The following ROBO2 variants were observed in gnomAD, a reference collection of about 807,000 sequenced individuals.
The protein encoded by ROBO2 is roundabout homolog 2.
A neutral mutation model predicts 160.8 loss-of-function variants in ROBO2; 53 were observed. That is an observed-to-expected ratio of 0.33 (90% confidence interval 0.26 to 0.41). The LOEUF (loss-of-function observed/expected upper bound fraction) is 0.41, where lower values mean the gene tolerates loss of function less well. ROBO2 is among the 10% of genes least tolerant of loss of function. The pLI is 1.00. For missense variants in ROBO2, 1,577 were observed against 1,722.4 expected (o/e 0.92, Z 1.49); for synonymous variants, 664 against 611.7 (o/e 1.09, Z -1.26).
intron 2 of ROBO2, among the ~76,000 whole-genome samples, chr3:76,188,333 G>C (rs929870149): frequency 1.3e-5 from 2 of 152,148 alleles, no homozygotes; most frequent in Middle Eastern, 3.4e-3. Context: ...CACAGAGACA[G>C]ACACATACAG....
intron 1 of ROBO2, among the ~76,000 whole-genome samples, chr3:75,921,073 A>T (rs967745734): frequency 1.3e-5 from 2 of 152,152 alleles, no homozygotes; most frequent in Non-Finnish European, 2.9e-5. Flanking sequence ...TCCTGTGATC[A>T]TGATGCTAGC....
At chr3:77,578,118 A>C (rs1314673928) in intron 15 of ROBO2, among the ~76,000 whole-genome samples, 1 of 152,126 alleles carries the variant, frequency 6.6e-6, no homozygotes, top group Non-Finnish European at 1.5e-5. Flanking sequence ...AAAAAAAGCC[A>C]CTGAACATAT....
Position 76,994,144 on chromosome 3 carries a change from A to G in ROBO2, c.110-103870A>G, listed in dbSNP as rs1436019230. Among the ~76,000 whole-genome samples the G allele has an allele frequency of 2.0e-5, 3 of 151,886 alleles. No individual in the cohort carries two copies. The South Asian group carries it at 6.2e-4, about 32-fold the overall frequency. On this transcript the variant is annotated intron_variant, in intron 2 of 26. Coordinates refer to the ROBO2 transcript ENST00000487694. ...TAAATGAGTGCACAAGGCTATCTGC[A>G]TATATTGTTAAATGTTAGCTTTGAA...
chr3:76,003,516 T>G (rs2065943732), intron 2 of ROBO2, among the ~76,000 whole-genome samples: 1 of 152,196 alleles, frequency 6.6e-6, no homozygotes, highest in South Asian at 2.1e-4. Context: ...ATAAAAACAG[T>G]TTCCATATGT....
chr3:77,024,857 A>G (rs1257627273), intron 2 of ROBO2, among the ~76,000 whole-genome samples: 1 of 152,102 alleles, frequency 6.6e-6, no homozygotes, highest in Non-Finnish European at 1.5e-5. Flanking sequence ...TTGGAGGGGG[A>G]AAAGACACGT....
Position 77,640,743 on chromosome 3 carries a change from T to C in ROBO2, c.3935-3961T>C, listed in dbSNP as rs1208316062. Among the ~76,000 whole-genome samples the C allele has an allele frequency of 2.0e-5, 3 of 152,352 alleles. No homozygotes were observed. The East Asian group carries it at 5.8e-4, about 29-fold the overall frequency. On this transcript the variant is annotated intron_variant, in intron 24 of 25. Transcript: ENST00000461745. Reference sequence around the variant, plus strand: ...GAATAATAAATTTAATTTAAGTAAATGTATTTGATTACATACTTTTATTTT... The same window carrying C: ...GAATAATAAATTTAATTTAAGTAAACGTATTTGATTACATACTTTTATTTT...
At chr3:76,823,270 A>G (rs1162551147) in intron 2 of ROBO2, among the ~76,000 whole-genome samples, 3 of 152,128 alleles carry the variant, frequency 2.0e-5, no homozygotes, top group African/African-American at 7.2e-5. Context: ...GACCCACACA[A>G]TGAATCAACC....
At chr3:76,169,719 G>T (rs1490246678) in intron 2 of ROBO2, among the ~76,000 whole-genome samples, 1 of 152,030 alleles carries the variant, frequency 6.6e-6, no homozygotes, top group African/African-American at 2.4e-5. Context: ...TTTGACTAAA[G>T]CTAGTAATCT....
intron 6 of ROBO2, among the ~76,000 whole-genome samples, chr3:77,535,842 G>T (rs904221141): frequency 6.6e-6 from 1 of 151,992 alleles, no homozygotes; most frequent in Non-Finnish European, 1.5e-5. Context: ...CTTGCATGGC[G>T]AATCTCATAA....
chr3:76,021,006 A>ATT (rs2066559756), intron 2 of ROBO2, among the ~76,000 whole-genome samples: 1 of 151,786 alleles, frequency 6.6e-6, no homozygotes, highest in Non-Finnish European at 1.5e-5. Flanking sequence ...GCACTTTATC[A>ATT]TTCTCTCTCT....
chr3:77,224,502 TTTAAAC>T (rs1471840071), intron 2 of ROBO2, among the ~76,000 whole-genome samples: 1 of 151,978 alleles, frequency 6.6e-6, no homozygotes, highest in Non-Finnish European at 1.5e-5. Context: ...TTGCTTATTC[TTTAAAC>T]TTATAGTCTT....
Position 77,562,334 on chromosome 3 carries a change from C to T in ROBO2, c.1438-317C>T, listed in dbSNP as rs143237918. Among the ~76,000 whole-genome samples the T allele has an allele frequency of 2.2e-4, 34 of 151,796 alleles. No individual in the cohort carries two copies. In the East Asian group the frequency reaches 5.9e-3, roughly 26 times the overall value. ...ATAAACAACTTAGATATAGTAGAGC[C>T]CTGCCATAAAATGGAGTTAAGAGGT... On this transcript the variant is annotated intron_variant, in intron 9 of 25. Coordinates refer to ENST00000461745, the Ensembl canonical transcript of ROBO2.
Position 77,453,588 on chromosome 3 carries a change from A to T in ROBO2, c.389-23826A>T, listed in dbSNP as rs76864425. On this transcript the variant is annotated intron_variant, in intron 2 of 25. Coordinates refer to ENST00000461745, the Ensembl canonical transcript of ROBO2. ...ATAACTTGAGACTTTTTCCTTTGTC[A>T]AGCAGCTATAATAAATCCTCTGTTA... 9.9e-3 allele frequency among the ~76,000 whole-genome samples: 1,500 copies of T among 152,212 alleles called. 24 individuals carry two copies. The highest frequency in any genetic ancestry group is 0.032 in the African/African-American group (1,330 of 41,548).
At position 77,353,768 on chromosome 3, in the gene ROBO2, C is replaced by T. The variant is rs528468418; in HGVS notation, c.389-123646C>T. ...TCAAGTGATCTGCCTGCCTTGGCCT[C>T]CCAAAGTGCTGGGATTATAGGTGTG... On this transcript the variant is annotated intron_variant, in intron 2 of 25. Transcript: ENST00000461745. 1.3e-4 allele frequency among the ~76,000 whole-genome samples: 20 copies of T among 152,132 alleles called. 1 individual carries two copies. Among genetic ancestry groups the T allele is most frequent in the African/African-American group, 4.6e-4 (19 of 41,498 alleles).
chr3:77,511,711 G>T (rs2089422599), intron 5 of ROBO2, among the ~76,000 whole-genome samples: 3 of 151,872 alleles, frequency 2.0e-5, no homozygotes, highest in African/African-American at 7.3e-5. Context: ...CTAAAATATT[G>T]TTTGGTTTGG....
intron 2 of ROBO2, among the ~76,000 whole-genome samples, chr3:76,581,577 G>T (rs1009744353): frequency 1.5e-4 from 23 of 152,160 alleles, no homozygotes; most frequent in African/African-American, 4.6e-4. Flanking sequence ...GGCCAAAGCT[G>T]CAGTGAGCTA....
intron 2 of ROBO2, among the ~76,000 whole-genome samples, chr3:77,242,791 C>A (rs2151381324): frequency 6.6e-6 from 1 of 151,064 alleles, no homozygotes; most frequent in East Asian, 1.9e-4. Context: ...AAGTCTACTT[C>A]CTTCTTTTCC....
At chr3:77,524,735 G>A (rs980787673) in intron 6 of ROBO2, among the ~76,000 whole-genome samples, 5 of 150,866 alleles carry the variant, frequency 3.3e-5, no homozygotes, top group African/African-American at 1.2e-4. Context: ...CTCATGCGGG[G>A]ATGTTTGAAG....
chr3:76,825,648 T>C (rs1458943040), intron 2 of ROBO2, among the ~76,000 whole-genome samples: 1 of 145,954 alleles, frequency 6.9e-6, no homozygotes, highest in African/African-American at 2.5e-5. Flanking sequence ...ATGCATTTTT[T>C]TCCCTATTTT....
Sources: gnomAD v4.1 joint callset for allele counts (sites outside exome capture counted in the v4.1 genomes callset) on GRCh38, gnomAD v4.1.1 for gene constraint, MANE v1.5 for transcripts, NCBI Gene and HGNC (gene_info 2026-07-23, HGNC 2026-07-21) for gene names.